The following RAB37 variants were observed in gnomAD, a reference collection of about 807,000 sequenced individuals.
RAB37 encodes the protein ras-related protein Rab-37.
Under a neutral mutation model 33.1 loss-of-function variants are expected in RAB37, and 29 were observed. That is an observed-to-expected ratio of 0.88 (90% confidence interval 0.65 to 1.20). RAB37 has a LOEUF of 1.20. Among genes scored for constraint, RAB37 ranks in the 50% most tolerant of loss-of-function variants. RAB37 has a pLI of 0.00. For synonymous variants in RAB37, 128 were observed against 119.5 expected (o/e 1.07, Z -0.47); for missense variants, 299 against 301.1 (o/e 0.99, Z 0.05).
At chr17:74,717,625 C>A (rs969032130) in intron 1 of RAB37, among the ~76,000 whole-genome samples, 9 of 151,336 alleles carry the variant, frequency 5.9e-5, no homozygotes, top group East Asian at 2.0e-4. Flanking sequence ...CCAGCCTAAC[C>A]AACATAGAGA....
At chr17:74,737,425 C>T (rs1567813799) in intron 1 of RAB37, 60 bp downstream of exon 1, 8 of 1,488,430 alleles carry the variant, frequency 5.4e-6, no homozygotes, top group Non-Finnish European at 7.2e-6. Context: ...TTCCTGGCTG[C>T]GTCTGGGTTG....
intron 1 of RAB37, among the ~76,000 whole-genome samples, chr17:74,714,602 T>C (rs2034137235): frequency 6.6e-6 from 1 of 152,054 alleles, no homozygotes; most frequent in Admixed American, 6.6e-5. Context: ...CAGAAACCTG[T>C]CCATTGTACC....
At position 74,741,236 on chromosome 17, in the gene RAB37, C is replaced by T. The variant is rs150278751; in HGVS notation, c.204+358C>T. Among the ~76,000 whole-genome samples the T allele has an allele frequency of 3.4e-3, 524 of 152,214 alleles. 3 individuals are homozygous for T. Among genetic ancestry groups the T allele is most frequent in the African/African-American group, 0.012 (494 of 41,534 alleles). ...TACCTGGGCCCCTTTGGAAAGGCCT[C>T]AAAGGTCAATCAGTCTTTCTGGAGT... On this transcript the variant is annotated intron_variant, in intron 2 of 8. Transcript: ENST00000392613.
rs371485322 is a variant in RAB37, at chr17:74,710,180, G to A, written c.73-19076G>A. On this transcript the variant is annotated intron_variant, in intron 1 of 7. Transcript: ENST00000340415. ...CTTTTGGTAGAGATGGGGTTTCACC[G>A]TAGCCAGGATGGTCTCGATCTCCTG... Among the ~76,000 whole-genome samples, 28 of 151,768 alleles carry A rather than the reference G, an allele frequency of 1.8e-4. No individual in the cohort carries two copies. In the South Asian group the frequency reaches 2.9e-3, roughly 16 times the overall value.
At chr17:74,728,391 CTGTGTGCATGTGTGTGTTCTTTCTA>C (rs1396475101) in intron 1 of RAB37, among the ~76,000 whole-genome samples, 2 of 150,330 alleles carry the variant, frequency 1.3e-5, no homozygotes, top group African/African-American at 4.9e-5. Context: ...GTATGTGTAT[CTGTGTGCATGTGTGTGTTCTTTCTA>C]TGTGTGCATG....
Position 74,742,179 on chromosome 17 carries a change from A to G in RAB37, c.205-75A>G, listed in dbSNP as rs1156818464. ...CACCCACTCTAGGCCTGGAGAGGGA[A>G]CAAGACAGGACGTCTGCAGAGCTGA... On this transcript the variant is annotated intron_variant, in intron 2 of 8. Transcript: ENST00000392613. This position sits in a 1 kb window ranked among gnomAD's most constrained non-coding sequence, Gnocchi z 4.0. The G allele has an allele frequency of 1.7e-5, 27 of 1,570,744 alleles. No individual in the cohort carries two copies. The highest frequency in any genetic ancestry group is 5.5e-5 in the Admixed American group (3 of 54,228).
chr17:74,713,699 GT>G (rs374299894), intron 1 of RAB37, among the ~76,000 whole-genome samples: 233 of 152,088 alleles, frequency 1.5e-3, no homozygotes, highest in African/African-American at 5.4e-3. Flanking sequence ...TGTGGCCAAA[GT>G]CAGAAAGCCA....
intron 1 of RAB37, among the ~76,000 whole-genome samples, chr17:74,697,766 T>A (rs2032635885): frequency 1.3e-5 from 2 of 152,100 alleles, no homozygotes; most frequent in South Asian, 4.1e-4. Flanking sequence ...AAAGGGCAAG[T>A]AGGTCAGCCT....
At chr17:74,674,874 G>A (rs1019602376) in intron 1 of RAB37, among the ~76,000 whole-genome samples, 1 of 152,082 alleles carries the variant, frequency 6.6e-6, no homozygotes, top group Non-Finnish European at 1.5e-5. Context: ...CATTATAGAG[G>A]AAGAAGCATC....
chr17:74,706,991 AATAGAGAAGATGTAAATGTAAG>A, intron 1 of RAB37, among the ~76,000 whole-genome samples: 1 of 152,356 alleles, frequency 6.6e-6, no homozygotes, highest in East Asian at 1.9e-4. Flanking sequence ...ATCAACTCAC[AATAGAGAAGATGTAAATGTAAG>A]ACCTGAAACT....
chr17:74,736,086 C>G (rs913743042), upstream of RAB37, among the ~76,000 whole-genome samples: 2 of 152,134 alleles, frequency 1.3e-5, no homozygotes, highest in Non-Finnish European at 2.9e-5. Context: ...ATGTCGCGCA[C>G]CTGTAATCCC....
At chr17:74,733,467 GA>G (rs2034419022), upstream of RAB37, among the ~76,000 whole-genome samples, 5 of 540 alleles carry the variant, frequency 9.3e-3, no homozygotes, top group Non-Finnish European at 0.018. Context: ...TGATTTGAGG[GA>G]TGTGTGTGGT....
chr17:74,742,173 G>A lies in RAB37; in HGVS notation c.205-81G>A, dbSNP rs993780904. On this transcript the variant is annotated intron_variant, in intron 2 of 8. Coordinates refer to ENST00000392613, the MANE Select transcript of RAB37 (RefSeq NM_001006638.3). This position sits in a 1 kb window ranked among gnomAD's most constrained non-coding sequence, Gnocchi z 4.0. ...TCACTGCACCCACTCTAGGCCTGGAGAGGGAACAAGACAGGACGTCTGCAG... is the reference window on the plus strand; with the variant it reads ...TCACTGCACCCACTCTAGGCCTGGAAAGGGAACAAGACAGGACGTCTGCAG... The A allele has an allele frequency of 1.3e-5, 21 of 1,557,400 alleles. No individual in the cohort carries two copies. Among genetic ancestry groups the A allele is most frequent in the African/African-American group, 8.2e-5 (6 of 73,216 alleles).
At chr17:74,736,510 G>C, upstream of RAB37, 2 of 1,424,610 alleles carry the variant, frequency 1.4e-6, no homozygotes, top group East Asian at 5.2e-5. Flanking sequence ...TCCTCCTCGG[G>C]GCCAGGGTGA....
intron 1 of RAB37, among the ~76,000 whole-genome samples, chr17:74,680,861 T>A (rs2031940975): frequency 6.6e-6 from 1 of 152,148 alleles, no homozygotes; most frequent in African/African-American, 2.4e-5. Context: ...AAGGCCTGTG[T>A]CAGAGCCTTA....
intron 1 of RAB37, among the ~76,000 whole-genome samples, chr17:74,725,780 C>T (rs534928348): frequency 6.6e-5 from 10 of 152,078 alleles, no homozygotes; most frequent in African/African-American, 1.9e-4. Flanking sequence ...CCTGCCATCA[C>T]GCCTGGCTAA....
In RAB37 at chr17:74,745,700, T is replaced by C. The variant is rs2034744795; in HGVS notation, c.*289T>C. On this transcript the variant is annotated 3_prime_UTR_variant, in exon 9 of 9. Transcript: ENST00000392613. The surrounding 1 kb of genome is among the most constrained non-coding windows in gnomAD (Gnocchi z 4.5). Reference sequence around the variant, plus strand: ...CCGAGGCTGGGAGCTAGTGGCCCTTTTGCTTTCTAGGACTTGGGGGGCCGG... The same window carrying C: ...CCGAGGCTGGGAGCTAGTGGCCCTTCTGCTTTCTAGGACTTGGGGGGCCGG... 3.0e-6 allele frequency: 1 copy of C among 336,888 alleles called. No individual in the cohort carries two copies. The highest frequency in any genetic ancestry group is 5.5e-6 in the Non-Finnish European group (1 of 182,560). The allele number at this position is 336,888 out of a possible 1,614,324, so 20.9% of individuals were successfully genotyped here. A position where few individuals can be genotyped will look rare whatever the true frequency, so the allele number is the denominator to read the frequency against.
At chr17:74,741,839 T>C (rs1235685934) in intron 2 of RAB37, among the ~76,000 whole-genome samples, 1 of 152,186 alleles carries the variant, frequency 6.6e-6, no homozygotes, top group Non-Finnish European at 1.5e-5. Flanking sequence ...CTGCTGCAGA[T>C]GTAGCCTCAG....
At chr17:74,697,505 A>G (rs1333994819) in intron 1 of RAB37, among the ~76,000 whole-genome samples, 1 of 152,182 alleles carries the variant, frequency 6.6e-6, no homozygotes, top group Non-Finnish European at 1.5e-5. Context: ...ACAGAAAACA[A>G]ACTAACAGAG....
Sources: gnomAD v4.1 joint callset for allele counts (sites outside exome capture counted in the v4.1 genomes callset) on GRCh38, gnomAD v4.1.1 for gene constraint, Gnocchi (gnomAD v3.1) non-coding constraint, MANE v1.5 for transcripts, NCBI Gene and HGNC (gene_info 2026-07-23, HGNC 2026-07-21) for gene names.